Variants in PRKCZ observed in about 807,000 individuals in gnomAD.
PRKCZ encodes the protein protein kinase C zeta.
PRKCZ carries 33 observed loss-of-function variants against 79.5 expected under a neutral mutation model. The ratio of observed to expected loss-of-function variants is 0.41; its 90% CI spans 0.31 to 0.55. The LOEUF (loss-of-function observed/expected upper bound fraction) is 0.55. PRKCZ is among the 20% of genes least tolerant of loss of function. The pLI is 0.19. For synonymous variants in PRKCZ, 342 were observed against 320.9 expected, an observed-to-expected ratio of 1.07 and a Z score of -0.70; for missense variants, 578 against 813.5, an observed-to-expected ratio of 0.71 and a Z score of 3.52.
intron 7 of PRKCZ, among the ~76,000 whole-genome samples, chr1:2,147,880 C>G (rs576154738): frequency 3.7e-4 from 56 of 152,294 alleles, no homozygotes; most frequent in African/African-American, 1.2e-3. Flanking sequence ...ACCCATCTGT[C>G]TGTAGTCCAC....
chr1:2,069,193 CCG>C (rs1661365474), intron 4 of PRKCZ, among the ~76,000 whole-genome samples: 1 of 152,180 alleles, frequency 6.6e-6, no homozygotes, highest in African/African-American at 2.4e-5. Context: ...TCCCCTGCAT[CCG>C]TGCTGTGCTT....
At chr1:2,118,493 G>A (rs896376201) in intron 4 of PRKCZ, among the ~76,000 whole-genome samples, 2 of 151,590 alleles carry the variant, frequency 1.3e-5, no homozygotes, top group Non-Finnish European at 2.9e-5. Flanking sequence ...GCCTGCCACC[G>A]CGCCTAGCTA....
intron 4 of PRKCZ, among the ~76,000 whole-genome samples, chr1:2,063,180 G>A (rs536566567): frequency 4.5e-4 from 69 of 152,258 alleles, no homozygotes; most frequent in Non-Finnish European, 4.3e-4. Flanking sequence ...GTGGACACAC[G>A]GGTGACTTCC....
At position 2,053,854 on chromosome 1, in the gene PRKCZ, C is replaced by T. The variant is rs112376203; in HGVS notation, c.72-1587C>T. ...GTGACCCCCCTCCATTCCTTACTTT[C>T]CTAATCTGCCATGATGCTGTGGGCT... On this transcript the variant is annotated intron_variant, in intron 1 of 17. Transcript: ENST00000378567. 3.0e-3 allele frequency among the ~76,000 whole-genome samples: 455 copies of T among 152,330 alleles called. 1 individual carries two copies. Among genetic ancestry groups the T allele is most frequent in the Middle Eastern group, 0.014 (4 of 294 alleles).
chr1:2,146,335 G>T (rs1431420720), intron 7 of PRKCZ, among the ~76,000 whole-genome samples: 1 of 152,224 alleles, frequency 6.6e-6, no homozygotes. Flanking sequence ...AGGCTGCTGG[G>T]CAGGGATGCC....
At chr1:2,059,974 G>T (rs1001327608) in intron 4 of PRKCZ, among the ~76,000 whole-genome samples, 2 of 152,178 alleles carry the variant, frequency 1.3e-5, no homozygotes, top group Non-Finnish European at 2.9e-5. Flanking sequence ...GCTGGTGTGG[G>T]GGCTCCGTTC....
At chr1:2,117,994 A>ATTTCTTTTTT (rs1671069798) in intron 4 of PRKCZ, among the ~76,000 whole-genome samples, 3 of 15,296 alleles carry the variant, frequency 2.0e-4, no homozygotes, top group African/African-American at 3.0e-4. Context: ...TTAGCCTATT[A>ATTTCTTTTTT]TTTCTTTTTT....
chr1:2,101,634 T>G (rs1478152963), intron 4 of PRKCZ, among the ~76,000 whole-genome samples: 1 of 152,238 alleles, frequency 6.6e-6, no homozygotes, highest in Non-Finnish European at 1.5e-5. Flanking sequence ...TGCCCTGGGC[T>G]TCAGTTCCCC....
intron 4 of PRKCZ, among the ~76,000 whole-genome samples, chr1:2,119,597 A>C (rs369748445): frequency 6.6e-6 from 1 of 152,112 alleles, no homozygotes; most frequent in Non-Finnish European, 1.5e-5. Flanking sequence ...TGTAAATTCT[A>C]CGTGTATTTC....
chr1:2,174,730 C>G lies in PRKCZ; in HGVS notation c.1406-24C>G. On this transcript the variant is annotated intron_variant, in intron 14 of 17. Transcript: ENST00000378567. This position sits in a 1 kb window ranked among gnomAD's most constrained non-coding sequence, Gnocchi z 6.2. ...CAAATGGCACACAACACAGGCAAGT[C>G]CTCACCAGGCTCCGCCCTTGCAGTG... is the stretch of plus-strand genomic sequence containing the variant. 1 of 1,609,734 alleles carries G rather than the reference C, an allele frequency of 6.2e-7. No individual in the cohort carries two copies. The highest frequency in any genetic ancestry group is 1.1e-5 in the South Asian group (1 of 90,964).
intron 4 of PRKCZ, chr1:2,104,728 G>C (rs1310687489): frequency 3.0e-6 from 3 of 985,238 alleles, no homozygotes; most frequent in Non-Finnish European, 3.6e-6. Flanking sequence ...AACATCGCTC[G>C]GTGCCAGACA....
In PRKCZ at chr1:2,125,024, A is replaced by G. The variant is rs542289557; in HGVS notation, c.335-10238A>G. 6.6e-6 allele frequency among the ~76,000 whole-genome samples: 1 copy of G among 152,144 alleles called. No individual in the cohort carries two copies. Among genetic ancestry groups the G allele is most frequent in the African/African-American group, 2.4e-5 (1 of 41,422 alleles). ...TTGTGACTCAGCCGCACGTCCTCCCAGGGGCCTTGCCAGCCTGGCTCTGTG... is the reference window on the plus strand; with the variant it reads ...TTGTGACTCAGCCGCACGTCCTCCCGGGGGCCTTGCCAGCCTGGCTCTGTG... On this transcript the variant is annotated intron_variant, in intron 4 of 17. Coordinates refer to ENST00000378567, the MANE Select transcript of PRKCZ (RefSeq NM_002744.6). The surrounding 1 kb of genome is among the most constrained non-coding windows in gnomAD (Gnocchi z 4.2).
chr1:2,056,399 T>C, intron 2 of PRKCZ, 85 bp from the exon 3 acceptor site: 1 of 1,245,548 alleles, frequency 8.0e-7, no homozygotes, highest in Non-Finnish European at 1.1e-6. Context: ...CACCAGACCC[T>C]TGTCTGGTGT....
intron 10 of PRKCZ, among the ~76,000 whole-genome samples, chr1:2,157,454 A>G (rs184294996): frequency 6.6e-6 from 1 of 151,650 alleles, no homozygotes; most frequent in Non-Finnish European, 1.5e-5. Context: ...GTCTCGCTCT[A>G]TCACCCAGGC....
chr1:2,049,282 G>C (rs1035713305), upstream of PRKCZ: 1 of 152,380 alleles, frequency 6.6e-6, no homozygotes, highest in African/African-American at 2.4e-5. Flanking sequence ...CCGGCTTGGC[G>C]GAAGCTTTGC....
chr1:2,099,863 C>G (rs929627684), intron 4 of PRKCZ, among the ~76,000 whole-genome samples: 1 of 152,172 alleles, frequency 6.6e-6, no homozygotes, highest in Non-Finnish European at 1.5e-5. Context: ...GAATGGAAAA[C>G]CCTTGAAATA....
intron 4 of PRKCZ, among the ~76,000 whole-genome samples, chr1:2,102,885 G>GTC (rs372974728): frequency 6.6e-6 from 1 of 151,686 alleles, no homozygotes; most frequent in African/African-American, 2.4e-5. Context: ...CCCCCCGTCT[G>GTC]TCTCTCTCTC....
chr1:2,104,706 AG>A, intron 4 of PRKCZ: 1 of 985,736 alleles, frequency 1.0e-6, no homozygotes, highest in East Asian at 1.1e-4. Flanking sequence ...TGCCCTGGCG[AG>A]GGGTGGTCAG....
At chr1:2,052,980 C>T (rs1342806445) in intron 1 of PRKCZ, among the ~76,000 whole-genome samples, 1 of 152,204 alleles carries the variant, frequency 6.6e-6, no homozygotes, top group Non-Finnish European at 1.5e-5. Context: ...CCCCTGTGGG[C>T]CTGAGGGGTC....
Sources: allele counts gnomAD v4.1 joint callset (sites outside exome capture counted in the v4.1 genomes callset), GRCh38; gene constraint gnomAD v4.1.1; non-coding constraint Gnocchi (gnomAD v3.1); transcripts MANE v1.5; gene names NCBI Gene and HGNC (gene_info 2026-07-23, HGNC 2026-07-21).